The following ZFPM1 variants were observed in gnomAD, a reference collection of about 807,000 sequenced individuals.
ZFPM1 encodes zinc finger protein, FOG family member 1, also known as zinc finger protein ZFPM1.
In ZFPM1, 28 loss-of-function variants were observed where a neutral mutation model predicts 46.3. The ratio of observed to expected loss-of-function variants is 0.60; its 90% CI spans 0.45 to 0.83. The LOEUF is 0.83. Ranked by LOEUF, ZFPM1 falls within the 40% of genes least tolerant of loss-of-function variation. ZFPM1 has a pLI of 0.00. For synonymous variants in ZFPM1, 957 were observed against 675.9 expected, an observed-to-expected ratio of 1.42 and a Z score of -6.45; for missense variants, 1,878 against 1,432.4, an observed-to-expected ratio of 1.31 and a Z score of -5.02.
At chr16:88,500,110 C>A (rs1021667623) in intron 3 of ZFPM1, among the ~76,000 whole-genome samples, 3 of 152,170 alleles carry the variant, frequency 2.0e-5, no homozygotes, top group Non-Finnish European at 2.9e-5. Context: ...CGCCCTCCCA[C>A]CCGGCTTCCT....
chr16:88,460,980 G>GGGGC (rs1907813561), intron 1 of ZFPM1, among the ~76,000 whole-genome samples: 1 of 47,182 alleles, frequency 2.1e-5, no homozygotes, highest in African/African-American at 1.0e-4. Flanking sequence ...TGAGGACCGA[G>GGGGC]GGGAGGGGCG....
intron 4 of ZFPM1, among the ~76,000 whole-genome samples, chr16:88,523,911 C>T (rs1173495554): frequency 2.0e-5 from 3 of 152,184 alleles, no homozygotes; most frequent in African/African-American, 4.8e-5. Flanking sequence ...GTGCACTCGG[C>T]GGGGCCGGGC....
chr16:88,533,858 G>A lies in ZFPM1; in HGVS notation c.1900G>A (p.Ala634Thr). ...CCCCGGCCAGCCCGCCGAACCCGAC[G>A]CGCCGCGCTCGTCCCCGGGCCCCGG... ...APPGQPAEPDAPRSSPGPGAR... is the reference protein window; with the variant it reads ...APPGQPAEPDTPRSSPGPGAR... The change falls in exon 10 of 10, where the codon GCG becomes ACG. Residue 634 changes from alanine (A) to threonine (T), a missense_variant. Physicochemically the swap from Ala to Thr is moderately conservative, Grantham distance 58. Transcript: ENST00000319555. 2.0e-6 allele frequency: 2 copies of A among 983,676 alleles called. No homozygotes were observed. Among genetic ancestry groups the A allele is most frequent in the Non-Finnish European group, 2.4e-6 (2 of 831,096 alleles). The allele number at this position is 983,676 out of a possible 1,614,324, so 60.9% of individuals were successfully genotyped here. A position where few individuals can be genotyped will look rare whatever the true frequency, so the allele number is the denominator to read the frequency against.
chr16:88,489,837 G>C (rs187908755), intron 3 of ZFPM1, among the ~76,000 whole-genome samples: 1 of 152,140 alleles, frequency 6.6e-6, no homozygotes, highest in Non-Finnish European at 1.5e-5. Context: ...TGTTTCTGTC[G>C]TTCCTAATAA....
chr16:88,491,064 C>T (rs1184906860), intron 3 of ZFPM1, among the ~76,000 whole-genome samples: 3 of 151,756 alleles, frequency 2.0e-5, no homozygotes, highest in Non-Finnish European at 4.4e-5. Context: ...CGGTCAGGCG[C>T]TGGTGCCTTC....
chr16:88,534,073 C>T lies in ZFPM1; in HGVS notation c.2115C>T (p.Tyr705=), dbSNP rs779349047. Residue 705 remains tyrosine, a synonymous_variant, in exon 10 of 10, where the codon TAC becomes TAT. Coordinates refer to ENST00000319555, the MANE Select transcript of ZFPM1 (RefSeq NM_153813.3). ...CCTACACCGTGCACAAGCGGTACTA[C>T]TGCGCCTCGCGCCACGACCCGCCGC... The part of the protein sequence containing the change: ...HETYTVHKRY[Y]CASRHDPPPR... 19 of 1,245,202 alleles carry T rather than the reference C, an allele frequency of 1.5e-5. No homozygotes were observed. The East Asian group carries it at 1.1e-3, about 72-fold the overall frequency. The allele number at this position is 1,245,202 out of a possible 1,614,324, so 77.1% of individuals were successfully genotyped here.
At chr16:88,452,220 A>G (rs963528754), upstream of ZFPM1, among the ~76,000 whole-genome samples, 15 of 152,180 alleles carry the variant, frequency 9.9e-5, no homozygotes, top group African/African-American at 2.7e-4. Context: ...CAGCCCCCCA[A>G]TGCGTGACCT....
At chr16:88,529,234 G>A (rs897224615) in intron 6 of ZFPM1, among the ~76,000 whole-genome samples, 12 of 152,390 alleles carry the variant, frequency 7.9e-5, no homozygotes, top group African/African-American at 2.9e-4. Context: ...AGCAAGTCTG[G>A]CTCCGGCCAG....
intron 4 of ZFPM1, among the ~76,000 whole-genome samples, chr16:88,518,401 G>GTGGA (rs1302149264): frequency 2.7e-4 from 40 of 149,870 alleles, no homozygotes; most frequent in South Asian, 8.5e-4. Context: ...GGGTAGGTGC[G>GTGGA]TGGATGGATG....
rs189633168 is a variant in ZFPM1, at chr16:88,500,743, G to A, written c.268+11590G>A. On this transcript the variant is annotated intron_variant, in intron 3 of 9. Transcript: ENST00000319555. ...GGCTCAGGGTCCTCATCTGTGAGAC[G>A]TGGACAGGACAGTTCAGGCTCCCTG... 3.1e-3 allele frequency among the ~76,000 whole-genome samples: 467 copies of A among 152,346 alleles called. 1 individual carries two copies. The highest frequency in any genetic ancestry group is 0.014 in the South Asian group (68 of 4,834).
chr16:88,534,341 A>G lies in ZFPM1; in HGVS notation c.2383A>G (p.Ile795Val). The G allele has an allele frequency of 7.2e-7, 1 of 1,385,244 alleles. No individual in the cohort carries two copies. The highest frequency in any genetic ancestry group is 9.3e-7 in the Non-Finnish European group (1 of 1,071,692). 85.8% of individuals were successfully genotyped at this position (1,385,244 alleles called of 1,614,324 possible). The change falls in exon 10 of 10, where the codon ATC becomes GTC. Residue 795 changes from isoleucine to valine, a missense_variant. By Grantham distance (29) the Ile-to-Val change is conservative. Coordinates refer to ENST00000319555, the MANE Select transcript of ZFPM1 (RefSeq NM_153813.3). The part of the protein sequence containing the change: ...RSPGPAADGP[I>V]DLSKKPRRPL... ...GCCCGGCCCCGCGGCCGACGGCCCCATCGACCTGAGCAAGAAGCCGCGGCG... is the reference window on the plus strand; with the variant it reads ...GCCCGGCCCCGCGGCCGACGGCCCCGTCGACCTGAGCAAGAAGCCGCGGCG...
intron 3 of ZFPM1, among the ~76,000 whole-genome samples, chr16:88,511,981 C>T (rs1910991768): frequency 1.3e-5 from 2 of 152,250 alleles, no homozygotes; most frequent in South Asian, 4.1e-4. Flanking sequence ...GCCCCTCGCC[C>T]AGCCCCCGGC....
intron 2 of ZFPM1, among the ~76,000 whole-genome samples, chr16:88,487,012 G>A (rs1909269938): frequency 6.6e-6 from 1 of 152,180 alleles, no homozygotes; most frequent in Non-Finnish European, 1.5e-5. Flanking sequence ...ACCCTCACAG[G>A]CACCTCCACA....
In ZFPM1 at chr16:88,490,741, T is replaced by C. The variant is rs1850434520; in HGVS notation, c.268+1588T>C. ...GGATGACCCGGCCCCATGGGGAAGC[T>C]GAGTTACACCTGCATGGGCTGTGGG... On this transcript the variant is annotated intron_variant, in intron 3 of 9. Transcript: ENST00000319555. 2.6e-5 allele frequency among the ~76,000 whole-genome samples: 4 copies of C among 152,214 alleles called. No individual in the cohort carries two copies. The South Asian group carries it at 8.3e-4, about 32-fold the overall frequency.
At chr16:88,530,189 C>T (rs967494584) in intron 6 of ZFPM1, among the ~76,000 whole-genome samples, 1 of 152,190 alleles carries the variant, frequency 6.6e-6, no homozygotes, top group African/African-American at 2.4e-5. Flanking sequence ...CAGGGGAACA[C>T]CCCGCTGATA....
chr16:88,534,153 C>T lies in ZFPM1; in HGVS notation c.2195C>T (p.Pro732Leu), dbSNP rs1393526304. Reference protein sequence around the residue: ...GPPGPAAPPAPSPAAPVRTRR... With the variant: ...GPPGPAAPPALSPAAPVRTRR... Reference sequence around the variant, plus strand: ...CCTGGGCCGGCCGCGCCCCCGGCCCCCTCTCCCGCCGCGCCTGTGCGCACG... The same window carrying T: ...CCTGGGCCGGCCGCGCCCCCGGCCCTCTCTCCCGCCGCGCCTGTGCGCACG... Residue 732 changes from proline (P) to leucine (L), a missense_variant, in exon 10 of 10, where the codon CCC (proline) becomes CTC (leucine). Transcript: ENST00000319555. The T allele has an allele frequency of 7.0e-5, 70 of 1,003,612 alleles. 1 individual carries two copies. The highest frequency in any genetic ancestry group is 8.0e-5 in the Non-Finnish European group (68 of 845,216). The allele number at this position is 1,003,612 out of a possible 1,614,324, so 62.2% of individuals were successfully genotyped here.
In ZFPM1 at chr16:88,532,860, A is replaced by T; in HGVS notation, c.1114A>T (p.Met372Leu). ...ILYSHLVTNHMVCQPGSKGEI... is the reference protein window; with the variant it reads ...ILYSHLVTNHLVCQPGSKGEI... ...CTACAGCCACTTGGTCACCAACCAC[A>T]TGGTCTGCCAGCCTGGCTCCAAGGG... The change falls in exon 9 of 10, where the codon ATG (methionine) becomes TTG (leucine). Residue 372 changes from methionine to leucine, a missense_variant. Met to Leu is a conservative substitution (Grantham distance 15). Coordinates refer to ENST00000319555, the MANE Select transcript of ZFPM1 (RefSeq NM_153813.3). 6.2e-7 allele frequency: 1 copy of T among 1,613,422 alleles called. No homozygotes were observed. Among genetic ancestry groups the T allele is most frequent in the East Asian group, 2.2e-5 (1 of 44,872 alleles).
chr16:88,528,692 A>T (rs1362302511), intron 6 of ZFPM1, among the ~76,000 whole-genome samples: 3 of 152,074 alleles, frequency 2.0e-5, no homozygotes, highest in Admixed American at 1.3e-4. Context: ...TGCTGCCACC[A>T]CCTCCACCTC....
intron 6 of ZFPM1, among the ~76,000 whole-genome samples, chr16:88,531,402 C>G (rs1264378033): frequency 6.6e-6 from 1 of 152,184 alleles, no homozygotes; most frequent in Non-Finnish European, 1.5e-5. Context: ...GTAAATTCGA[C>G]AAATCTGACC....
Sources: gnomAD v4.1 joint callset for allele counts (sites outside exome capture counted in the v4.1 genomes callset) on GRCh38, gnomAD v4.1.1 for gene constraint, MANE v1.5 for transcripts, NCBI Gene and HGNC (gene_info 2026-07-23, HGNC 2026-07-21) for gene names.